Variants in CNTN1 observed in about 807,000 individuals in gnomAD.
The protein encoded by CNTN1 is contactin-1.
A neutral mutation model predicts 126.4 loss-of-function variants in CNTN1; 38 were observed. The ratio of observed to expected loss-of-function variants is 0.30; its 90% confidence interval spans 0.23 to 0.39. The LOEUF (loss-of-function observed/expected upper bound fraction) is 0.39, where lower values mean the gene tolerates loss of function less well. Among genes scored for constraint, CNTN1 ranks in the 10% least tolerant of loss-of-function variants. The pLI is 1.00. For synonymous variants in CNTN1, 413 were observed against 422.6 expected (o/e 0.98, Z 0.28); for missense variants, 1,009 against 1,248.4 (o/e 0.81, Z 2.89).
At chr12:41,051,503 T>C (rs1949681445) in intron 23 of CNTN1, among the ~76,000 whole-genome samples, 1 of 151,938 alleles carries the variant, frequency 6.6e-6, no homozygotes, top group African/African-American at 2.4e-5. Context: ...TTTAGTCTTA[T>C]GCTATTGGCT....
intron 9 of CNTN1, 49 bp downstream of exon 9, chr12:40,933,927 A>G (rs776431019): frequency 4.8e-6 from 7 of 1,455,364 alleles, no homozygotes; most frequent in Non-Finnish European, 5.7e-6. Flanking sequence ...TATCTTATTT[A>G]GAGCCATTTC....
intron 1 of CNTN1, among the ~76,000 whole-genome samples, chr12:40,801,873 G>A (rs976479513): frequency 2.6e-5 from 4 of 151,492 alleles, no homozygotes; most frequent in Non-Finnish European, 5.9e-5. Flanking sequence ...GTGTGAATAC[G>A]GGGAAATCAT....
chr12:40,862,312 C>T lies in CNTN1; in HGVS notation c.-76-46045C>T, dbSNP rs185768007. Among the ~76,000 whole-genome samples, 8 of 152,150 alleles carry T rather than the reference C, an allele frequency of 5.3e-5. No homozygotes were observed. The East Asian group carries it at 1.5e-3, about 29-fold the overall frequency. ...TCTTTCTGTAGATCCAGGTTGTGTT[C>T]AGTGTCATACTCTTTCTGCTGTGCA... On this transcript the variant is annotated intron_variant, in intron 1 of 23. Transcript: ENST00000551295.
At chr12:41,062,589 CAA>C (rs34897128) in intron 23 of CNTN1, among the ~76,000 whole-genome samples, 5,150 of 152,210 alleles carry the variant, frequency 0.034, 116 homozygotes, top group Middle Eastern at 0.11. Context: ...AGCAATAATT[CAA>C]AGATTCCTTT....
chr12:40,743,089 A>G (rs1938018476), intron 1 of CNTN1, among the ~76,000 whole-genome samples: 2 of 152,028 alleles, frequency 1.3e-5, no homozygotes, highest in African/African-American at 4.8e-5. Flanking sequence ...TAAAGAAGAA[A>G]TGTCTGAGTC....
chr12:40,805,438 G>T (rs1206809259), intron 1 of CNTN1, among the ~76,000 whole-genome samples: 1 of 151,904 alleles, frequency 6.6e-6, no homozygotes, highest in Non-Finnish European at 1.5e-5. Context: ...GCTGTATCAA[G>T]TGTACTGGTT....
At chr12:41,066,843 A>T (rs982139548) in intron 23 of CNTN1, among the ~76,000 whole-genome samples, 5 of 139,286 alleles carry the variant, frequency 3.6e-5, no homozygotes, top group Admixed American at 2.1e-4. Flanking sequence ...GTTTAGATTT[A>T]AAAAAAAATC....
At chr12:40,705,250 G>C (rs946694830) in intron 1 of CNTN1, among the ~76,000 whole-genome samples, 2 of 152,112 alleles carry the variant, frequency 1.3e-5, no homozygotes, top group African/African-American at 4.8e-5. Flanking sequence ...TTTTCTCCAG[G>C]ATTTTGTTTC....
At chr12:40,960,224 G>GT (rs376625387) in intron 15 of CNTN1, among the ~76,000 whole-genome samples, 477 of 146,322 alleles carry the variant, frequency 3.3e-3, no homozygotes, top group Non-Finnish European at 5.3e-3. Context: ...ATTCATATAT[G>GT]TTTTTTTTTT....
chr12:40,825,402 A>G (rs148272495), intron 1 of CNTN1, among the ~76,000 whole-genome samples: 6 of 152,188 alleles, frequency 3.9e-5, no homozygotes, highest in African/African-American at 1.2e-4. Context: ...TTTATACCCA[A>G]ATTGGCTTTG....
chr12:40,938,974 C>A (rs779928636), intron 11 of CNTN1, among the ~76,000 whole-genome samples: 4 of 151,936 alleles, frequency 2.6e-5, no homozygotes, highest in Non-Finnish European at 5.9e-5. Flanking sequence ...TGGAGTTTTG[C>A]CGTGTTACCC....
In CNTN1 at chr12:40,767,128, T is replaced by TA. The variant is rs1436796918; in HGVS notation, c.-77+74536_-77+74537insA. Among the ~76,000 whole-genome samples, 20 of 152,198 alleles carry TA rather than the reference T, an allele frequency of 1.3e-4. No individual in the cohort carries two copies. In the East Asian group the frequency reaches 3.9e-3, roughly 29 times the overall value. ...ATGTAATGATTCAAGGAAATATATATTTTTAATATGATCAAGGAGAGTATT... is the reference window on the plus strand; with the variant it reads ...ATGTAATGATTCAAGGAAATATATATATTTTAATATGATCAAGGAGAGTATT... On this transcript the variant is annotated intron_variant, in intron 1 of 23. Coordinates refer to ENST00000551295, the MANE Select transcript of CNTN1 (RefSeq NM_001843.4).
At chr12:40,839,377 G>A (rs7311456) in intron 1 of CNTN1, among the ~76,000 whole-genome samples, 23,740 of 152,062 alleles carry the variant, frequency 0.16, 1,844 homozygotes, top group Middle Eastern at 0.21. Context: ...AATGATAGAT[G>A]AAAATTTCCC....
intron 1 of CNTN1, among the ~76,000 whole-genome samples, chr12:40,901,762 G>A (rs938092916): frequency 2.0e-5 from 3 of 152,144 alleles, no homozygotes; most frequent in Admixed American, 6.5e-5. Flanking sequence ...TGCAGAAAAG[G>A]GGGTATTCTC....
chr12:40,796,883 A>C (rs1940456695), intron 1 of CNTN1, among the ~76,000 whole-genome samples: 1 of 152,108 alleles, frequency 6.6e-6, no homozygotes, highest in African/African-American at 2.4e-5. Flanking sequence ...CCAAGGAGAC[A>C]AAAGTCCTGG....
In CNTN1 at chr12:41,058,585, CT is replaced by C. The variant is rs546772379; in HGVS notation, c.2981-11367del. 2.2e-4 allele frequency among the ~76,000 whole-genome samples: 34 copies of C among 152,102 alleles called. No homozygotes were observed. The East Asian group carries it at 4.3e-3, about 19-fold the overall frequency. The stretch of plus-strand genomic sequence containing the variant: ...TCCTGCAAAAGTGATGAAAGTTAAT[CT>C]TTTTTTCCCCTTTTTTTAACTTAAA... On this transcript the variant is annotated intron_variant, in intron 23 of 23. Transcript: ENST00000551295.
intron 23 of CNTN1, among the ~76,000 whole-genome samples, chr12:41,036,421 G>A (rs536952651): frequency 6.6e-6 from 1 of 152,208 alleles, no homozygotes; most frequent in South Asian, 2.1e-4. Flanking sequence ...CTAACTTAGA[G>A]AACCAAGCCA....
intron 1 of CNTN1, among the ~76,000 whole-genome samples, chr12:40,879,183 A>G (rs992572940): frequency 6.6e-6 from 1 of 152,102 alleles, no homozygotes; most frequent in Non-Finnish European, 1.5e-5. Context: ...CTTTAATTAT[A>G]TATATTAAAT....
At chr12:41,034,559 T>G (rs1486792860) in intron 23 of CNTN1, among the ~76,000 whole-genome samples, 1 of 152,208 alleles carries the variant, frequency 6.6e-6, no homozygotes, top group Non-Finnish European at 1.5e-5. Context: ...TACAATCAGA[T>G]ATTATCATTC....
Sources: allele counts gnomAD v4.1 joint callset (sites outside exome capture counted in the v4.1 genomes callset), GRCh38; gene constraint gnomAD v4.1.1; transcripts MANE v1.5; gene names NCBI Gene and HGNC (gene_info 2026-07-23, HGNC 2026-07-21).